The following MAF variants were observed in gnomAD, a reference collection of about 807,000 sequenced individuals.
The protein encoded by MAF is transcription factor Maf.
MAF carries 10 observed loss-of-function variants against 22.0 expected under a neutral mutation model. That is an observed-to-expected ratio of 0.45 (90% CI 0.28 to 0.77). The LOEUF is 0.77. Among genes scored for constraint, MAF ranks in the 30% least tolerant of loss-of-function variants. The probability of loss-of-function intolerance (pLI) is 0.12; values close to 1 mark genes in which losing one functional copy is unlikely to be tolerated. For synonymous variants in MAF, 337 were observed against 255.8 expected (o/e 1.32, Z -3.03); for missense variants, 544 against 548.4 (o/e 0.99, Z 0.08).
At chr16:79,335,781 C>G in the MAF span, among the ~76,000 whole-genome samples, 1 of 152,314 alleles carries the variant, frequency 6.6e-6, no homozygotes, top group East Asian at 1.9e-4. Flanking sequence ...GCTGCTGGCT[C>G]CAACTCTGGT....
chr16:79,211,949 T>C, the MAF span: 1 of 1,536,836 alleles, frequency 6.5e-7, no homozygotes, highest in Non-Finnish European at 8.7e-7. Flanking sequence ...AAATCTTAAG[T>C]ACCAATGGGA....
At chr16:79,307,343 C>A in the MAF span, among the ~76,000 whole-genome samples, 1 of 152,206 alleles carries the variant, frequency 6.6e-6, no homozygotes, top group Non-Finnish European at 1.5e-5. Flanking sequence ...AGGTCCCAGA[C>A]GTGGTTGGTC....
the MAF span, among the ~76,000 whole-genome samples, chr16:79,571,392 G>C: frequency 6.6e-6 from 1 of 152,016 alleles, no homozygotes; most frequent in Non-Finnish European, 1.5e-5. Context: ...GAAAACGTCT[G>C]ATTCATGCCA....
chr16:79,565,248 AAAG>A, the MAF span, among the ~76,000 whole-genome samples: 1 of 152,242 alleles, frequency 6.6e-6, no homozygotes, highest in South Asian at 2.1e-4. Context: ...TTTGTGGAAA[AAAG>A]AAGCTTTATT....
At chr16:79,232,380 A>G in the MAF span, among the ~76,000 whole-genome samples, 2 of 152,226 alleles carry the variant, frequency 1.3e-5, no homozygotes, top group African/African-American at 4.8e-5. Context: ...GAACATTTTC[A>G]TGTTATTGAT....
chr16:79,522,619 G>A, the MAF span, among the ~76,000 whole-genome samples: 1 of 152,170 alleles, frequency 6.6e-6, no homozygotes, highest in Non-Finnish European at 1.5e-5. Context: ...TGCATGCACA[G>A]TTCATGCATC....
At chr16:79,301,427 C>A in the MAF span, among the ~76,000 whole-genome samples, 1 of 149,324 alleles carries the variant, frequency 6.7e-6, no homozygotes, top group Non-Finnish European at 1.5e-5. Flanking sequence ...GCATTTTTTC[C>A]CCCCATTTGA....
the MAF span, among the ~76,000 whole-genome samples, chr16:79,511,392 G>C: frequency 6.6e-6 from 1 of 152,158 alleles, no homozygotes; most frequent in Non-Finnish European, 1.5e-5. Context: ...TTACTTATAT[G>C]AGAGTCCAAA....
the MAF span, among the ~76,000 whole-genome samples, chr16:79,423,693 G>C: frequency 6.6e-6 from 1 of 152,232 alleles, no homozygotes; most frequent in East Asian, 1.9e-4. Flanking sequence ...GTCCTTTATA[G>C]CAAAAATACA....
At chr16:79,403,966 G>A in the MAF span, among the ~76,000 whole-genome samples, 1 of 151,996 alleles carries the variant, frequency 6.6e-6, no homozygotes, top group Non-Finnish European at 1.5e-5. Flanking sequence ...AGTGGAGGAG[G>A]GAAGTAATAA....
the MAF span, among the ~76,000 whole-genome samples, chr16:79,451,495 C>T: frequency 6.6e-6 from 1 of 152,172 alleles, no homozygotes; most frequent in African/African-American, 2.4e-5. Flanking sequence ...TTCCTTGAAG[C>T]ATTTCTGGCT....
At chr16:79,456,181 AC>A in the MAF span, among the ~76,000 whole-genome samples, 1 of 151,866 alleles carries the variant, frequency 6.6e-6, no homozygotes, top group African/African-American at 2.4e-5. Context: ...AGCTGCATCC[AC>A]CCCGCACAGA....
chr16:79,432,332 C>G, the MAF span, among the ~76,000 whole-genome samples: 1 of 152,166 alleles, frequency 6.6e-6, no homozygotes, highest in African/African-American at 2.4e-5. Context: ...ATTACTCAGT[C>G]TCGAGTATTT....
the MAF span, among the ~76,000 whole-genome samples, chr16:79,250,088 T>G: frequency 6.6e-6 from 1 of 152,250 alleles, no homozygotes; most frequent in African/African-American, 2.4e-5. Context: ...GACTGCTATG[T>G]TGTTGCCATT....
chr16:79,266,328 A>G, the MAF span, among the ~76,000 whole-genome samples: 1 of 152,044 alleles, frequency 6.6e-6, no homozygotes, highest in African/African-American at 2.4e-5. Context: ...GGTAACTGAA[A>G]CCCTGGAAAG....
chr16:79,258,247 A>G, the MAF span, among the ~76,000 whole-genome samples: 1 of 152,192 alleles, frequency 6.6e-6, no homozygotes, highest in South Asian at 2.1e-4. Context: ...CCGGAAGTGC[A>G]TGCAGTCTGC....
At chr16:79,211,924 T>G in the MAF span, 1 of 1,540,012 alleles carries the variant, frequency 6.5e-7, no homozygotes, top group Non-Finnish European at 8.7e-7. Flanking sequence ...ATAAGAGCAG[T>G]CACAACAGAG....
chr16:79,357,453 C>A, the MAF span, among the ~76,000 whole-genome samples: 2,094 of 152,216 alleles, frequency 0.014, 14 homozygotes, highest in Middle Eastern at 0.031. Context: ...CAAAACAAAA[C>A]AGAAATAAAA....
the MAF span, among the ~76,000 whole-genome samples, chr16:79,460,920 C>A: frequency 6.6e-6 from 1 of 152,050 alleles, no homozygotes; most frequent in Non-Finnish European, 1.5e-5. Flanking sequence ...ACATTTTATT[C>A]TTTTTCTTTC....
Sources: allele counts gnomAD v4.1 joint callset (sites outside exome capture counted in the v4.1 genomes callset), GRCh38; gene constraint gnomAD v4.1.1; transcripts MANE v1.5; gene names NCBI Gene and HGNC (gene_info 2026-07-23, HGNC 2026-07-21).